Variants in SIMC1 observed in about 807,000 individuals in gnomAD.
SIMC1 encodes the protein SUMO interacting motifs containing 1.
Under a neutral mutation model 82.3 loss-of-function variants are expected in SIMC1, and 55 were observed. That is an observed-to-expected ratio of 0.67 (90% CI 0.54 to 0.84). SIMC1 has a LOEUF of 0.84. Ranked by LOEUF, SIMC1 falls within the 40% of genes least tolerant of loss-of-function variation. The pLI is 0.00. For synonymous variants in SIMC1, 353 were observed against 426.3 expected, an observed-to-expected ratio of 0.83 and a Z score of 2.12; for missense variants, 915 against 1,107.2, an observed-to-expected ratio of 0.83 and a Z score of 2.46.
rs553561898 is a variant in SIMC1 at position 176,274,986 on chromosome 5, T to C, written c.130-14668T>C. Among the ~76,000 whole-genome samples the C allele has an allele frequency of 2.6e-5, 4 of 152,032 alleles. No homozygotes were observed. In the East Asian group the frequency reaches 7.7e-4, roughly 29 times the overall value. On this transcript the variant is annotated intron_variant, in intron 1 of 9. Coordinates refer to ENST00000429602, the MANE Select transcript of SIMC1 (RefSeq NM_001308195.2). Reference sequence around the variant, plus strand: ...CTCTTTTTTGGTTCCGTATGAACTTTAAAGTAGTTTTTCCAATTCTGTGAA... The same window carrying C: ...CTCTTTTTTGGTTCCGTATGAACTTCAAAGTAGTTTTTCCAATTCTGTGAA...
intron 1 of SIMC1, among the ~76,000 whole-genome samples, chr5:176,248,171 G>C (rs1463434510): frequency 6.6e-6 from 1 of 152,068 alleles, no homozygotes; most frequent in Non-Finnish European, 1.5e-5. Flanking sequence ...GATGGGGATA[G>C]CATTGAATCT....
chr5:176,243,095 G>C (rs542119223), intron 1 of SIMC1, among the ~76,000 whole-genome samples: 1 of 152,120 alleles, frequency 6.6e-6, no homozygotes, highest in South Asian at 2.1e-4. Context: ...GATGATAATG[G>C]AACTACATTC....
chr5:176,289,741 G>C lies in SIMC1; in HGVS notation c.217G>C (p.Glu73Gln), dbSNP rs140764429. The change falls in exon 2 of 10, where the codon GAA (glutamate) becomes CAA (glutamine). Residue 73 changes from glutamate (E) to glutamine (Q), a missense_variant. By Grantham distance (29) the Glu-to-Gln change is conservative (BLOSUM62 2). This residue lies in a region of SIMC1 where 902 missense variants were observed against 1,040.3 expected (regional missense o/e 0.87). Transcript: ENST00000429602. ...GATTGACCTGACAAGAGCTGAGGGAGAAAATAGACCTATTGCCACTCTTGA... is the reference window on the plus strand; with the variant it reads ...GATTGACCTGACAAGAGCTGAGGGACAAAATAGACCTATTGCCACTCTTGA... ...YVIDLTRAEG[E>Q]NRPIATLDLT... is the part of the protein sequence containing the mutation. 21 of 1,613,680 alleles carry C rather than the reference G, an allele frequency of 1.3e-5. No homozygotes were observed. Among genetic ancestry groups the C allele is most frequent in the Admixed American group, 3.3e-5 (2 of 59,932 alleles).
intron 4 of SIMC1, among the ~76,000 whole-genome samples, chr5:176,299,138 A>T (rs1763937382): frequency 6.6e-6 from 1 of 152,268 alleles, no homozygotes; most frequent in African/African-American, 2.4e-5. Context: ...TCACGCCTGT[A>T]ATTCCAGCAC....
intron 1 of SIMC1, among the ~76,000 whole-genome samples, chr5:176,275,118 T>C (rs1386780897): frequency 6.6e-6 from 1 of 151,668 alleles, no homozygotes; most frequent in Non-Finnish European, 1.5e-5. Flanking sequence ...GCATGGAATG[T>C]TCTTCCATTT....
At chr5:176,288,603 T>G (rs1184873791) in intron 1 of SIMC1, among the ~76,000 whole-genome samples, 1 of 152,186 alleles carries the variant, frequency 6.6e-6, no homozygotes, top group Non-Finnish European at 1.5e-5. Context: ...ATATGGCTGC[T>G]TCCTAAGAAT....
At chr5:176,306,306 G>A (rs1170969332) in intron 4 of SIMC1, among the ~76,000 whole-genome samples, 2 of 137,076 alleles carry the variant, frequency 1.5e-5, no homozygotes, top group Admixed American at 7.1e-5. Flanking sequence ...TCAGCCCCCC[G>A]TCCGGCCAGC....
intron 1 of SIMC1, among the ~76,000 whole-genome samples, chr5:176,245,215 A>G (rs1306010095): frequency 1.3e-5 from 2 of 152,342 alleles, no homozygotes; most frequent in Non-Finnish European, 2.9e-5. Flanking sequence ...CCTTAATCCA[A>G]CATGACTACT....
intron 7 of SIMC1, among the ~76,000 whole-genome samples, chr5:176,326,010 G>C (rs2113379262): frequency 6.6e-6 from 1 of 152,272 alleles, no homozygotes; most frequent in East Asian, 1.9e-4. Flanking sequence ...TTCCTTCCTT[G>C]ACCCAGTAAT....
chr5:176,318,743 A>G (rs1765024199), intron 5 of SIMC1, among the ~76,000 whole-genome samples: 1 of 152,258 alleles, frequency 6.6e-6, no homozygotes. Flanking sequence ...TGATTTGCTT[A>G]GAAATAACTT....
Position 176,324,738 on chromosome 5 carries a change from A to C in SIMC1, c.2152A>C (p.Ile718Leu), listed in dbSNP as rs759762997. ...AEMMFGFVLDIPERSQREMFF... is the reference protein window; with the variant it reads ...AEMMFGFVLDLPERSQREMFF... The stretch of plus-strand genomic sequence containing the variant: ...GATGATGTTTGGGTTTGTGCTGGAC[A>C]TTCCTGAGAGGAGCCAGAGGTGAGT... The change falls in exon 7 of 10, where the codon ATT (isoleucine) becomes CTT (leucine). Residue 718 changes from isoleucine (I) to leucine (L), a missense_variant. Physicochemically the swap from Ile to Leu is conservative, Grantham distance 5. Around this residue, in one of 2 missense-constraint regions of SIMC1, gnomAD observed 902 missense variants for 1,040.3 expected, o/e 0.87. Transcript: ENST00000429602. 3.8e-6 allele frequency: 6 copies of C among 1,597,802 alleles called. 1 individual carries two copies. The South Asian group carries it at 6.8e-5, about 18-fold the overall frequency.
chr5:176,289,547 G>A, intron 1 of SIMC1, 107 bp from the exon 2 acceptor site: 1 of 857,372 alleles, frequency 1.2e-6, no homozygotes, highest in Non-Finnish European at 1.8e-6. Context: ...TATCAGTGAG[G>A]TGAAATGGTA....
intron 1 of SIMC1, among the ~76,000 whole-genome samples, chr5:176,272,924 C>T (rs1291388842): frequency 6.6e-6 from 1 of 152,184 alleles, no homozygotes; most frequent in East Asian, 1.9e-4. Context: ...AGTAGGTAAA[C>T]AAAGCAGCCA....
At chr5:176,275,273 T>C (rs1224221302) in intron 1 of SIMC1, among the ~76,000 whole-genome samples, 3 of 151,938 alleles carry the variant, frequency 2.0e-5, no homozygotes, top group Non-Finnish European at 4.4e-5. Context: ...TTTGGCTCTC[T>C]GTCTGTTATT....
chr5:176,282,765 A>G (rs929506184), intron 1 of SIMC1, among the ~76,000 whole-genome samples: 2 of 152,250 alleles, frequency 1.3e-5, no homozygotes, highest in East Asian at 1.9e-4. Flanking sequence ...CAAAGAAGCT[A>G]AAAACCTTGA....
intron 1 of SIMC1, among the ~76,000 whole-genome samples, chr5:176,248,589 A>G (rs919211762): frequency 6.6e-6 from 1 of 152,034 alleles, no homozygotes; most frequent in Non-Finnish European, 1.5e-5. Flanking sequence ...CTATTTGAAT[A>G]CCCTTTATTT....
chr5:176,251,525 T>G (rs1274291923), intron 1 of SIMC1, among the ~76,000 whole-genome samples: 5 of 152,154 alleles, frequency 3.3e-5, no homozygotes, highest in African/African-American at 1.2e-4. Context: ...TTATTTCTCC[T>G]TCACTTATGA....
At chr5:176,250,251 C>A (rs1761606462) in intron 1 of SIMC1, among the ~76,000 whole-genome samples, 1 of 152,154 alleles carries the variant, frequency 6.6e-6, no homozygotes, top group Non-Finnish European at 1.5e-5. Flanking sequence ...GCAGGTTGTT[C>A]AGTTTCCATG....
intron 1 of SIMC1, among the ~76,000 whole-genome samples, chr5:176,269,694 CAG>C (rs1762343622): frequency 6.6e-6 from 1 of 152,090 alleles, no homozygotes; most frequent in Non-Finnish European, 1.5e-5. Context: ...ATAACAAAAA[CAG>C]AAAAATTACA....
Sources: gnomAD v4.1 joint callset for allele counts (sites outside exome capture counted in the v4.1 genomes callset) on GRCh38, gnomAD v4.1.1 for gene constraint, gnomAD v4.1.1 regional missense constraint, MANE v1.5 for transcripts, NCBI Gene and HGNC (gene_info 2026-07-23, HGNC 2026-07-21) for gene names.